The following ADAMTS6 variants were observed in gnomAD, a reference collection of about 807,000 sequenced individuals.
ADAMTS6 encodes the protein ADAM metallopeptidase with thrombospondin type 1 motif 6, also known as A disintegrin and metalloproteinase with thrombospondin motifs 6.
A neutral mutation model predicts 144.3 loss-of-function variants in ADAMTS6; 23 were observed. The observed-to-expected ratio is 0.16, with a 90% CI of 0.11 to 0.23. ADAMTS6 has a LOEUF of 0.23. ADAMTS6 is among the 10% of genes least tolerant of loss of function. The probability of loss-of-function intolerance (pLI) is 1.00; values close to 1 mark genes in which losing one functional copy is unlikely to be tolerated. For synonymous variants in ADAMTS6, 444 were observed against 457.5 expected (o/e 0.97, Z 0.38); for missense variants, 999 against 1,379.6 (o/e 0.72, Z 4.37).
At chr5:65,385,836 A>G (rs2150140897) in intron 7 of ADAMTS6, among the ~76,000 whole-genome samples, 1 of 152,346 alleles carries the variant, frequency 6.6e-6, no homozygotes, top group South Asian at 2.1e-4. Flanking sequence ...CATAAGAAAT[A>G]CATTATGTGA....
At chr5:65,271,376 TAAAAAAAAAA>T (rs771448447) in intron 12 of ADAMTS6, among the ~76,000 whole-genome samples, 1 of 116,422 alleles carries the variant, frequency 8.6e-6, no homozygotes, top group Non-Finnish European at 1.7e-5. Context: ...ATACTCCGTC[TAAAAAAAAAA>T]AAAAAAAAAA....
At chr5:65,234,401 A>G (rs1580139207) in intron 15 of ADAMTS6, among the ~76,000 whole-genome samples, 1 of 11,690 alleles carries the variant, frequency 8.6e-5, no homozygotes, top group East Asian at 3.6e-3. Flanking sequence ...ACAACTCAAT[A>G]GTAAAAAAAA....
chr5:65,220,766 G>A (rs1415727432), intron 18 of ADAMTS6, among the ~76,000 whole-genome samples: 1 of 151,938 alleles, frequency 6.6e-6, no homozygotes, highest in Non-Finnish European at 1.5e-5. Context: ...AGAAGAGTGG[G>A]AATCAATGTA....
chr5:65,195,337 T>C (rs1423014657), intron 21 of ADAMTS6, among the ~76,000 whole-genome samples: 1 of 152,252 alleles, frequency 6.6e-6, no homozygotes, highest in African/African-American at 2.4e-5. Flanking sequence ...ATTTTGATAC[T>C]TTCCCATGTC....
At chr5:65,392,121 T>G (rs887537173) in intron 7 of ADAMTS6, among the ~76,000 whole-genome samples, 14 of 152,192 alleles carry the variant, frequency 9.2e-5, no homozygotes, top group African/African-American at 3.4e-4. Context: ...TGTGATTAGT[T>G]TGAGGTTATA....
At chr5:65,206,457 T>G (rs1358312273) in intron 20 of ADAMTS6, among the ~76,000 whole-genome samples, 12 of 152,100 alleles carry the variant, frequency 7.9e-5, no homozygotes, top group Non-Finnish European at 1.5e-5. Flanking sequence ...CAGATGATTT[T>G]GGGAGGCTGA....
At chr5:65,326,713 C>T (rs1012157694) in intron 9 of ADAMTS6, among the ~76,000 whole-genome samples, 3 of 152,108 alleles carry the variant, frequency 2.0e-5, no homozygotes, top group African/African-American at 7.2e-5. Flanking sequence ...AATCAGTATA[C>T]TTCACCTGAA....
Position 65,321,708 on chromosome 5 carries a change from C to CTTTT in ADAMTS6, c.1223+7666_1223+7669dup, listed in dbSNP as rs529236363. Among the ~76,000 whole-genome samples, 165 of 78,880 alleles carry CTTTT rather than the reference C, an allele frequency of 2.1e-3. 1 individual carries two copies. The highest frequency in any genetic ancestry group is 4.4e-3 in the South Asian group (8 of 1,832). 51.7% of individuals were successfully genotyped at this position (78,880 alleles called of 152,430 possible). ...GTCTTCAATCCATCTTTTTCTTTTC[C>CTTTT]TTTTTTTTTTTTTTTTTTTTTTTTT... On this transcript the variant is annotated intron_variant, in intron 9 of 24. Coordinates refer to ENST00000381055, the MANE Select transcript of ADAMTS6 (RefSeq NM_197941.4).
chr5:65,334,191 A>G, intron 7 of ADAMTS6, 106 bp from the exon 8 acceptor site: 1 of 1,230,982 alleles, frequency 8.1e-7, no homozygotes, highest in Non-Finnish European at 1.1e-6. Context: ...CAATTAATGC[A>G]ATTATGAGCA....
At chr5:65,266,412 T>C (rs1761632232) in intron 12 of ADAMTS6, among the ~76,000 whole-genome samples, 1 of 151,922 alleles carries the variant, frequency 6.6e-6, no homozygotes, top group African/African-American at 2.4e-5. Context: ...TATCAGAAAG[T>C]TAAGTAACAA....
At chr5:65,175,796 T>C (rs1753939706) in intron 22 of ADAMTS6, among the ~76,000 whole-genome samples, 3 of 150,690 alleles carry the variant, frequency 2.0e-5, no homozygotes, top group South Asian at 4.2e-4. Context: ...TTAATTACCA[T>C]ACAAAGGTCT....
intron 7 of ADAMTS6, among the ~76,000 whole-genome samples, chr5:65,377,310 C>G (rs1328841416): frequency 2.0e-5 from 3 of 152,116 alleles, no homozygotes; most frequent in Non-Finnish European, 4.4e-5. Context: ...ACTTTGTGAT[C>G]CCCATATTCT....
In ADAMTS6 at chr5:65,275,363, GAAAGAAAGAA is replaced by G. The variant is rs1158771252; in HGVS notation, c.1513-1926_1513-1917del. ...TGAAGAAAGAAAGAAGAGAAAGAAA[GAAAGAAAGAA>G]AGAAAGAAAGAAAGAAAGAAAGAAA... On this transcript the variant is annotated intron_variant, in intron 11 of 24. Coordinates refer to ENST00000381055, the MANE Select transcript of ADAMTS6 (RefSeq NM_197941.4). Among the ~76,000 whole-genome samples, 31 of 63,950 alleles carry G rather than the reference GAAAGAAAGAA, an allele frequency of 4.8e-4. 1 individual carries two copies. The highest frequency in any genetic ancestry group is 1.4e-4 in the Non-Finnish European group (4 of 29,196). The allele number at this position is 63,950 out of a possible 152,430, so 42.0% of individuals were successfully genotyped here. A position where few individuals can be genotyped will look rare whatever the true frequency, so the allele number is the denominator to read the frequency against.
intron 24 of ADAMTS6, among the ~76,000 whole-genome samples, chr5:65,162,389 A>G (rs1219636029): frequency 2.0e-5 from 3 of 152,214 alleles, no homozygotes; most frequent in African/African-American, 7.2e-5. Context: ...TCAAAATCAG[A>G]AACTCTTGCT....
At chr5:65,383,522 CT>C (rs891302075) in intron 7 of ADAMTS6, among the ~76,000 whole-genome samples, 1 of 152,192 alleles carries the variant, frequency 6.6e-6, no homozygotes, top group African/African-American at 2.4e-5. Context: ...GACTCCATGA[CT>C]CACCTTCCAG....
intron 22 of ADAMTS6, among the ~76,000 whole-genome samples, chr5:65,187,807 A>G (rs1754762960): frequency 6.6e-6 from 1 of 152,208 alleles, no homozygotes; most frequent in Non-Finnish European, 1.5e-5. Context: ...TTTTAATCAA[A>G]TTGATGACAA....
chr5:65,384,016 T>C (rs1054151419), intron 7 of ADAMTS6, among the ~76,000 whole-genome samples: 2 of 152,016 alleles, frequency 1.3e-5, no homozygotes, highest in African/African-American at 2.4e-5. Context: ...ACTCGGGGAG[T>C]AGAGCCTTAA....
chr5:65,213,972 G>C (rs1444550345), intron 20 of ADAMTS6: 1 of 164,772 alleles, frequency 6.1e-6, no homozygotes, highest in Non-Finnish European at 1.5e-5. Context: ...CAAGGTGTAC[G>C]GTGGAGGCGA....
At chr5:65,437,084 G>T (rs1757482344) in intron 7 of ADAMTS6, among the ~76,000 whole-genome samples, 1 of 146,406 alleles carries the variant, frequency 6.8e-6, no homozygotes, top group African/African-American at 2.5e-5. Flanking sequence ...GAGAGCTTGT[G>T]CAGGGAAACT....
Sources: gnomAD v4.1 joint callset for allele counts (sites outside exome capture counted in the v4.1 genomes callset) on GRCh38, gnomAD v4.1.1 for gene constraint, MANE v1.5 for transcripts, NCBI Gene and HGNC (gene_info 2026-07-23, HGNC 2026-07-21) for gene names.